The following GAB1 variants were observed in gnomAD, a reference collection of about 807,000 sequenced individuals.
GAB1 encodes the protein GRB2-associated-binding protein 1.
A neutral mutation model predicts 66.5 loss-of-function variants in GAB1; 19 were observed. The ratio of observed to expected loss-of-function variants is 0.29; its 90% CI spans 0.20 to 0.42. GAB1 has a LOEUF of 0.42. Among genes scored for constraint, GAB1 ranks in the 10% least tolerant of loss-of-function variants. GAB1 has a pLI of 1.00. For synonymous variants in GAB1, 294 were observed against 301.4 expected (o/e 0.98, Z 0.25); for missense variants, 732 against 858.5 (o/e 0.85, Z 1.84).
At chr4:143,350,988 C>T (rs1484072270) in intron 1 of GAB1, among the ~76,000 whole-genome samples, 1 of 152,140 alleles carries the variant, frequency 6.6e-6, no homozygotes, top group African/African-American at 2.4e-5. Flanking sequence ...TCTTCAGGGC[C>T]CCACTGCTCA....
intron 1 of GAB1, among the ~76,000 whole-genome samples, chr4:143,402,070 C>A (rs1042442324): frequency 2.7e-5 from 4 of 149,184 alleles, no homozygotes; most frequent in African/African-American, 9.8e-5. Flanking sequence ...TTTTTTTTTT[C>A]TCTTTAACAG....
At chr4:143,422,111 C>T (rs1287897156) in intron 2 of GAB1, among the ~76,000 whole-genome samples, 1 of 152,040 alleles carries the variant, frequency 6.6e-6, no homozygotes, top group African/African-American at 2.4e-5. Flanking sequence ...CCATAAAAAA[C>T]GGTGTATTTA....
intron 1 of GAB1, among the ~76,000 whole-genome samples, chr4:143,410,104 G>A (rs761691172): frequency 1.3e-5 from 2 of 151,256 alleles, no homozygotes; most frequent in Non-Finnish European, 2.9e-5. Context: ...ATTCAGGGCA[G>A]AGAACCCATG....
rs770570752 is a variant in GAB1, at chr4:143,440,076, T to C, written c.1282-3T>C. The stretch of plus-strand genomic sequence containing the variant: ...TATTAAAAGAAATATATATGTGTTT[T>C]AGAAAGTCAAAAATGTGTTGACAGT... On this transcript the variant is annotated splice_region_variant and splice_polypyrimidine_tract_variant and intron_variant, in intron 5 of 9. Coordinates refer to ENST00000262994, the MANE Select transcript of GAB1 (RefSeq NM_002039.4). The C allele has an allele frequency of 1.4e-5, 23 of 1,611,060 alleles. 1 individual carries two copies. Among genetic ancestry groups the C allele is most frequent in the Middle Eastern group, 1.7e-4 (1 of 6,050 alleles).
intron 2 of GAB1, 45 bp from the exon 3 acceptor site, chr4:143,433,446 T>C: frequency 7.1e-7 from 1 of 1,417,034 alleles, no homozygotes; most frequent in Non-Finnish European, 1.0e-6. Context: ...TTTCCAAAAA[T>C]TGTTTAACTG....
chr4:143,436,917 G>T (rs972706213), intron 3 of GAB1, among the ~76,000 whole-genome samples: 1 of 152,180 alleles, frequency 6.6e-6, no homozygotes, highest in African/African-American at 2.4e-5. Flanking sequence ...TATGGTAAAA[G>T]GTTAGAGGAC....
At chr4:143,348,030 G>A (rs564139944) in intron 1 of GAB1, among the ~76,000 whole-genome samples, 15 of 152,298 alleles carry the variant, frequency 9.8e-5, no homozygotes, top group African/African-American at 3.1e-4. Context: ...GAGGGTTCCA[G>A]TGCTAGCCCT....
intron 1 of GAB1, among the ~76,000 whole-genome samples, chr4:143,366,077 T>C (rs1729870865): frequency 6.6e-6 from 1 of 152,214 alleles, no homozygotes; most frequent in Admixed American, 6.5e-5. Flanking sequence ...GAATCATACG[T>C]GAATAAAATA....
chr4:143,450,913 G>A (rs1310325329), intron 6 of GAB1, among the ~76,000 whole-genome samples: 1 of 151,742 alleles, frequency 6.6e-6, no homozygotes, highest in Non-Finnish European at 1.5e-5. Flanking sequence ...CAAAAAATGT[G>A]TGAGATTGAT....
chr4:143,435,253 T>C (rs1412386728), intron 3 of GAB1, among the ~76,000 whole-genome samples: 1 of 152,214 alleles, frequency 6.6e-6, no homozygotes, highest in Non-Finnish European at 1.5e-5. Flanking sequence ...GATTTCTATG[T>C]ATTTGTTGTA....
intron 1 of GAB1, among the ~76,000 whole-genome samples, chr4:143,394,504 A>G (rs1342440804): frequency 3.3e-5 from 5 of 152,220 alleles, no homozygotes; most frequent in Admixed American, 1.3e-4. Context: ...TATTAACTGA[A>G]TATACATTAT....
intron 1 of GAB1, among the ~76,000 whole-genome samples, chr4:143,396,571 A>G (rs1731466215): frequency 6.6e-6 from 1 of 152,148 alleles, no homozygotes; most frequent in Non-Finnish European, 1.5e-5. Context: ...ATAAAGCAGG[A>G]AAGTGAGATG....
chr4:143,407,020 G>A (rs1732083370), intron 1 of GAB1, among the ~76,000 whole-genome samples: 1 of 152,108 alleles, frequency 6.6e-6, no homozygotes, highest in Middle Eastern at 3.2e-3. Flanking sequence ...GGGGTCCAAG[G>A]CAGACCAGCC....
chr4:143,395,209 CTGTT>C (rs967183447), intron 1 of GAB1: 4 of 151,986 alleles, frequency 2.6e-5, no homozygotes, highest in Admixed American at 6.6e-5. Flanking sequence ...AAAATTAATC[CTGTT>C]TGTTTTTGTC....
chr4:143,359,134 G>A (rs113692394), intron 1 of GAB1, among the ~76,000 whole-genome samples: 1 of 152,102 alleles, frequency 6.6e-6, no homozygotes, highest in Non-Finnish European at 1.5e-5. Flanking sequence ...GAGTGATGTC[G>A]TAAAGAACCC....
intron 7 of GAB1, 44 bp downstream of exon 7, chr4:143,459,522 ACTAT>A: frequency 9.7e-7 from 1 of 1,026,226 alleles, no homozygotes; most frequent in South Asian, 1.3e-5. Flanking sequence ...GAATAATGTG[ACTAT>A]CTAGAATTGT....
intron 1 of GAB1, among the ~76,000 whole-genome samples, chr4:143,410,049 CT>C (rs924263767): frequency 3.6e-3 from 516 of 141,610 alleles, no homozygotes; most frequent in Admixed American, 5.3e-3. Context: ...AAACCCCAAG[CT>C]TTTTTTTTTT....
intron 1 of GAB1, among the ~76,000 whole-genome samples, chr4:143,371,205 C>T (rs1730107683): frequency 1.3e-5 from 2 of 152,036 alleles, no homozygotes; most frequent in Non-Finnish European, 2.9e-5. Flanking sequence ...TCCTCTCCAG[C>T]ACCTGTTGTT....
chr4:143,343,167 T>G (rs1728879601), intron 1 of GAB1, among the ~76,000 whole-genome samples: 1 of 152,072 alleles, frequency 6.6e-6, no homozygotes, highest in Admixed American at 6.5e-5. Context: ...AGGGAGGAGC[T>G]GTAGATCTTC....
Sources: gnomAD v4.1 joint callset for allele counts (sites outside exome capture counted in the v4.1 genomes callset) on GRCh38, gnomAD v4.1.1 for gene constraint, MANE v1.5 for transcripts, NCBI Gene and HGNC (gene_info 2026-07-23, HGNC 2026-07-21) for gene names.